The following DLGAP2 variants were observed in gnomAD, a reference collection of about 807,000 sequenced individuals.
DLGAP2 encodes the protein DLG associated protein 2.
In DLGAP2, 26 loss-of-function variants were observed where a neutral mutation model predicts 100.3. The observed-to-expected ratio is 0.26, with a 90% CI of 0.19 to 0.36. The LOEUF is 0.36. DLGAP2 is among the 10% of genes least tolerant of loss of function. The pLI is 1.00. For missense variants in DLGAP2, 1,858 were observed against 1,453.2 expected, an observed-to-expected ratio of 1.28 and a Z score of -4.53; for synonymous variants, 886 against 630.1, an observed-to-expected ratio of 1.41 and a Z score of -6.08.
intron 2 of DLGAP2, among the ~76,000 whole-genome samples, chr8:914,237 G>T (rs1798545497): frequency 6.6e-6 from 1 of 152,244 alleles, no homozygotes; most frequent in Non-Finnish European, 1.5e-5. Flanking sequence ...AGGAAGCGAA[G>T]GCAGATGCCC....
chr8:1,519,197 G>A (rs1364277764), intron 4 of DLGAP2, among the ~76,000 whole-genome samples: 1 of 152,150 alleles, frequency 6.6e-6, no homozygotes, highest in Non-Finnish European at 1.5e-5. Flanking sequence ...TGGAAAATGA[G>A]CAACGCTGTC....
At chr8:1,224,436 G>T (rs909523686) in intron 2 of DLGAP2, among the ~76,000 whole-genome samples, 1 of 152,062 alleles carries the variant, frequency 6.6e-6, no homozygotes, top group Non-Finnish European at 1.5e-5. Flanking sequence ...TTATGTACAA[G>T]TTCATTTTTA....
chr8:1,229,355 C>T (rs950081570), intron 2 of DLGAP2, among the ~76,000 whole-genome samples: 9 of 151,320 alleles, frequency 5.9e-5, no homozygotes, highest in Non-Finnish European at 1.3e-4. Context: ...TCCATCTGTT[C>T]TGAAGCTTTT....
intron 2 of DLGAP2, among the ~76,000 whole-genome samples, chr8:1,119,158 A>T (rs979014814): frequency 1.3e-5 from 2 of 152,242 alleles, no homozygotes; most frequent in Non-Finnish European, 2.9e-5. Context: ...ATTATTTTGC[A>T]CTGAGATGGC....
At chr8:1,358,534 T>C (rs7010837) in intron 3 of DLGAP2, among the ~76,000 whole-genome samples, 104,354 of 152,024 alleles carry the variant, frequency 0.69, 37,195 homozygotes, top group East Asian at 0.94. Flanking sequence ...CTCTTTGCAT[T>C]CCTTAACATC....
At chr8:1,179,372 G>A (rs766134484) in intron 2 of DLGAP2, among the ~76,000 whole-genome samples, 60 of 152,216 alleles carry the variant, frequency 3.9e-4, no homozygotes, top group Non-Finnish European at 5.6e-4. Flanking sequence ...GGAGTGCTTC[G>A]CTGGGGGACT....
chr8:894,718 A>G (rs1395493695), intron 1 of DLGAP2, among the ~76,000 whole-genome samples: 17 of 117,108 alleles, frequency 1.5e-4, no homozygotes, highest in African/African-American at 5.9e-4. Context: ...GGAAGAGCAG[A>G]GTGGTGGCTG....
At chr8:751,934 A>G in intron 1 of DLGAP2, among the ~76,000 whole-genome samples, 1 of 150,544 alleles carries the variant, frequency 6.6e-6, no homozygotes, top group Non-Finnish European at 1.5e-5. Context: ...TTCATCTGAC[A>G]CTTTATAGTA....
chr8:1,164,217 A>AGGGCCTGTCG (rs1796959720), intron 2 of DLGAP2, among the ~76,000 whole-genome samples: 1 of 30,720 alleles, frequency 3.3e-5, no homozygotes, highest in African/African-American at 1.6e-4. Context: ...AGGGCCCGTC[A>AGGGCCTGTCG]TTTTGGTTTG....
intron 2 of DLGAP2, among the ~76,000 whole-genome samples, chr8:1,189,176 G>T (rs932740653): frequency 6.7e-6 from 1 of 149,272 alleles, no homozygotes; most frequent in African/African-American, 2.6e-5. Flanking sequence ...GCCCCAGGCC[G>T]ATTCCGCGGT....
At chr8:817,521 G>C (rs1261900436) in intron 1 of DLGAP2, among the ~76,000 whole-genome samples, 1 of 152,118 alleles carries the variant, frequency 6.6e-6, no homozygotes, top group Non-Finnish European at 1.5e-5. Flanking sequence ...ATGATCTTTT[G>C]GGGGTGGTAA....
chr8:1,213,268 T>C lies in DLGAP2; in HGVS notation c.74-45583T>C, dbSNP rs192799590. ...CAAGTCAACAACAGGCTTCAGGATG[T>C]TGATCGTTTAAGAAACTGAGGAGGC... On this transcript the variant is annotated intron_variant, in intron 2 of 14. Coordinates refer to ENST00000637795, the MANE Select transcript of DLGAP2 (RefSeq NM_001346810.2). 2.8e-3 allele frequency among the ~76,000 whole-genome samples: 423 copies of C among 152,318 alleles called. 2 individuals carry two copies. The highest frequency in any genetic ancestry group is 9.7e-3 in the African/African-American group (402 of 41,580).
At chr8:825,615 C>T (rs904013766) in intron 1 of DLGAP2, among the ~76,000 whole-genome samples, 1 of 152,162 alleles carries the variant, frequency 6.6e-6, no homozygotes, top group East Asian at 1.9e-4. Flanking sequence ...TCTCGCTGTT[C>T]TTCCTCTTCA....
chr8:1,100,951 A>T (rs1269620518), intron 2 of DLGAP2, among the ~76,000 whole-genome samples: 1 of 152,222 alleles, frequency 6.6e-6, no homozygotes. Flanking sequence ...GATAAGCAAT[A>T]CCAGTTACAT....
At chr8:953,491 C>A (rs1005662316) in intron 2 of DLGAP2, among the ~76,000 whole-genome samples, 1 of 152,136 alleles carries the variant, frequency 6.6e-6, no homozygotes, top group African/African-American at 2.4e-5. Flanking sequence ...CGTGCCTGGC[C>A]CAAATTTTTA....
At chr8:1,493,617 A>AT (rs933751797) in intron 3 of DLGAP2, among the ~76,000 whole-genome samples, 1 of 152,214 alleles carries the variant, frequency 6.6e-6, no homozygotes, top group Non-Finnish European at 1.5e-5. Flanking sequence ...AAGGCTTCAC[A>AT]TTCTAATCCT....
At chr8:1,591,335 G>C (rs1363355727) in intron 6 of DLGAP2, among the ~76,000 whole-genome samples, 2 of 152,164 alleles carry the variant, frequency 1.3e-5, no homozygotes, top group Non-Finnish European at 2.9e-5. Flanking sequence ...GGGCCAGGTG[G>C]GAAGGAGGAT....
At chr8:1,149,293 C>T (rs1334794202) in intron 2 of DLGAP2, among the ~76,000 whole-genome samples, 1 of 152,108 alleles carries the variant, frequency 6.6e-6, no homozygotes, top group Admixed American at 6.6e-5. Context: ...CTACAGGCAC[C>T]CGCCACCGCA....
chr8:1,540,131 C>CT (rs1351757748), intron 4 of DLGAP2, among the ~76,000 whole-genome samples: 1 of 152,222 alleles, frequency 6.6e-6, no homozygotes, highest in African/African-American at 2.4e-5. Context: ...TGGAACCCTC[C>CT]ACCCAGGACC....
Sources: gnomAD v4.1 joint callset for allele counts (sites outside exome capture counted in the v4.1 genomes callset) on GRCh38, gnomAD v4.1.1 for gene constraint, MANE v1.5 for transcripts, NCBI Gene and HGNC (gene_info 2026-07-23, HGNC 2026-07-21) for gene names.